Variants in ENPP6 observed in about 807,000 individuals in gnomAD.
The protein encoded by ENPP6 is glycerophosphocholine cholinephosphodiesterase ENPP6.
ENPP6 carries 32 observed loss-of-function variants against 42.0 expected under a neutral mutation model. The observed-to-expected ratio is 0.76, with a 90% confidence interval of 0.58 to 1.02. The LOEUF (loss-of-function observed/expected upper bound fraction) is 1.02. ENPP6 is among the 50% of genes least tolerant of loss of function. The probability of loss-of-function intolerance (pLI) is 0.00; values close to 1 mark genes in which losing one functional copy is unlikely to be tolerated. For synonymous variants in ENPP6, 213 were observed against 216.0 expected, an observed-to-expected ratio of 0.99 and a Z score of 0.12; for missense variants, 552 against 566.8, an observed-to-expected ratio of 0.97 and a Z score of 0.27.
rs1491154845 is a variant in ENPP6 at position 184,131,140 on chromosome 4, A to ACTTACTTTCTTTCTTTCTTT, written c.422-6869_422-6868insAAAGAAAGAAAGAAAGTAAG. ...TTTCAACTTGCTTCCACCAGCACTT[A>ACTTACTTTCTTTCTTTCTTT]CTTTCTTTCTTTCTTTCTTTCTTTC... On this transcript the variant is annotated intron_variant, in intron 2 of 7. Transcript: ENST00000296741. Among the ~76,000 whole-genome samples the ACTTACTTTCTTTCTTTCTTT allele has an allele frequency of 1.5e-4, 18 of 121,708 alleles. No homozygotes were observed. In the East Asian group the frequency reaches 1.9e-3, roughly 13 times the overall value. The allele number at this position is 121,708 out of a possible 152,430, so 79.8% of individuals were successfully genotyped here.
At chr4:184,147,205 C>T (rs1179474020) in intron 2 of ENPP6, among the ~76,000 whole-genome samples, 1 of 152,300 alleles carries the variant, frequency 6.6e-6, no homozygotes, top group Middle Eastern at 3.4e-3. Flanking sequence ...ATCCCTTACT[C>T]CCAAATCCAA....
At chr4:184,157,419 T>TTCTCTCTTTGTC (rs149313850) in intron 1 of ENPP6, among the ~76,000 whole-genome samples, 1 of 150,658 alleles carries the variant, frequency 6.6e-6, no homozygotes, top group East Asian at 2.0e-4. Flanking sequence ...CTTTCTTTCT[T>TTCTCTCTTTGTC]TCTTTCTTTC....
rs202246462 is a variant in ENPP6, at chr4:184,188,241, T to C, written c.241+29338A>G. On this transcript the variant is annotated intron_variant, in intron 1 of 7. Transcript: ENST00000296741. ...TTCTAGAAGTCCTGTCAGTTTCCGT[T>C]GTGCCTGAAGCCTTTCCCAGTCGTT... is the stretch of plus-strand genomic sequence containing the variant. Among the ~76,000 whole-genome samples the C allele has an allele frequency of 4.6e-5, 7 of 152,214 alleles. No individual in the cohort carries two copies. The East Asian group carries it at 1.3e-3, about 29-fold the overall frequency.
chr4:184,101,685 C>CA (rs1007156276), intron 6 of ENPP6, among the ~76,000 whole-genome samples: 23 of 152,172 alleles, frequency 1.5e-4, no homozygotes, highest in African/African-American at 5.1e-4. Context: ...CAGTCCCAGG[C>CA]AAACCAGGAC....
At chr4:184,174,140 T>C (rs74709330) in intron 1 of ENPP6, among the ~76,000 whole-genome samples, 4,075 of 151,078 alleles carry the variant, frequency 0.027, 82 homozygotes, top group Non-Finnish European at 0.043. Context: ...AAATCCTTTT[T>C]TTTTTTTTTT....
chr4:184,095,077 G>C (rs1303240536), intron 7 of ENPP6, among the ~76,000 whole-genome samples: 2 of 152,240 alleles, frequency 1.3e-5, no homozygotes, highest in Non-Finnish European at 2.9e-5. Flanking sequence ...AGTGTGTAAA[G>C]CTGTTTAATC....
At chr4:184,176,802 C>T (rs961702418) in intron 1 of ENPP6, among the ~76,000 whole-genome samples, 3 of 152,214 alleles carry the variant, frequency 2.0e-5, no homozygotes, top group African/African-American at 7.2e-5. Flanking sequence ...CATCTTGCAG[C>T]CCAGGCCCTG....
At chr4:184,097,499 A>C in intron 6 of ENPP6, 131 bp from the exon 7 acceptor site, 1 of 1,325,170 alleles carries the variant, frequency 7.5e-7, no homozygotes, top group Non-Finnish European at 1.0e-6. Flanking sequence ...GACTGACCCA[A>C]CCTCCGCTGC....
Position 184,112,688 on chromosome 4 carries a change from C to A in ENPP6, c.977G>T (p.Gly326Val), listed in dbSNP as rs373763438. 6.2e-7 allele frequency: 1 copy of A among 1,613,936 alleles called. No homozygotes were observed. The highest frequency in any genetic ancestry group is 8.5e-7 in the Non-Finnish European group (1 of 1,179,964). The change falls in exon 6 of 8, where the codon GGC (glycine) becomes GTC (valine). Residue 326 changes from glycine (G) to valine (V), a missense_variant. By Grantham distance (109) the Gly-to-Val change is moderately radical. This residue lies in a region of ENPP6 where 545 missense variants were observed against 546.3 expected (regional missense o/e 1.00). Coordinates refer to ENST00000296741, the MANE Select transcript of ENPP6 (RefSeq NM_153343.4). ...CATAATTACCTCAGTTATGAACCAGCCTTCATCAGCCACTAAAGTCAAAGG... is the reference window on the plus strand; with the variant it reads ...CATAATTACCTCAGTTATGAACCAGACTTCATCAGCCACTAAAGTCAAAGG... ...VSPLTLVADEGWFITENREML... is the reference protein window; with the variant it reads ...VSPLTLVADEVWFITENREML...
chr4:184,183,632 A>G (rs1316702667), intron 1 of ENPP6, among the ~76,000 whole-genome samples: 6 of 152,194 alleles, frequency 3.9e-5, no homozygotes, highest in Admixed American at 1.3e-4. Flanking sequence ...TCTTTTCAGG[A>G]CAGTTTCAAT....
intron 1 of ENPP6, 66 bp from the exon 2 acceptor site, chr4:184,153,799 T>C: frequency 6.5e-7 from 1 of 1,546,660 alleles, no homozygotes; most frequent in Non-Finnish European, 8.7e-7. Flanking sequence ...TCTTTGTTTC[T>C]TGATCATATA....
chr4:184,169,747 G>A lies in ENPP6; in HGVS notation c.242-16014C>T, dbSNP rs117412753. Among the ~76,000 whole-genome samples, 132 of 152,306 alleles carry A rather than the reference G, an allele frequency of 8.7e-4. 1 individual carries two copies. The East Asian group carries it at 0.01, about 12-fold the overall frequency. On this transcript the variant is annotated intron_variant, in intron 1 of 7. Transcript: ENST00000296741. ...GCCCCTTTCTCCAAGGCCAATCACC[G>A]GTGGCAAATCTCACAAGCGACTTTG...
intron 1 of ENPP6, among the ~76,000 whole-genome samples, chr4:184,186,320 A>G (rs951504080): frequency 5.3e-5 from 8 of 152,246 alleles, no homozygotes; most frequent in Non-Finnish European, 1.2e-4. Flanking sequence ...GACCCAAGAG[A>G]CCACAGATTG....
intron 1 of ENPP6, among the ~76,000 whole-genome samples, chr4:184,173,283 T>A (rs1737504794): frequency 6.6e-6 from 1 of 152,064 alleles, no homozygotes; most frequent in Admixed American, 6.5e-5. Flanking sequence ...AAGAAAGAAA[T>A]CAAAGGTGGG....
At chr4:184,152,175 C>T (rs564503625) in intron 2 of ENPP6, among the ~76,000 whole-genome samples, 15 of 152,308 alleles carry the variant, frequency 9.8e-5, no homozygotes, top group East Asian at 9.7e-4. Flanking sequence ...TTGTACGGTG[C>T]GCGCCACGCC....
At chr4:184,147,862 C>T (rs1736955592) in intron 2 of ENPP6, among the ~76,000 whole-genome samples, 1 of 151,998 alleles carries the variant, frequency 6.6e-6, no homozygotes, top group African/African-American at 2.4e-5. Flanking sequence ...AGCCTCTCTC[C>T]ACCTTATCCA....
chr4:184,169,992 AG>A (rs540163157), intron 1 of ENPP6, among the ~76,000 whole-genome samples: 51 of 152,362 alleles, frequency 3.3e-4, no homozygotes, highest in African/African-American at 1.2e-3. Context: ...GCCTGTCTCT[AG>A]TACTGAGGTA....
intron 1 of ENPP6, among the ~76,000 whole-genome samples, chr4:184,207,549 TTG>T (rs762423230): frequency 1.2e-4 from 19 of 152,304 alleles, no homozygotes; most frequent in Admixed American, 2.6e-4. Flanking sequence ...TAAACTGTGG[TTG>T]TGTTTTCACT....
chr4:184,145,615 C>T (rs1736905836), intron 2 of ENPP6, among the ~76,000 whole-genome samples: 1 of 152,228 alleles, frequency 6.6e-6, no homozygotes, highest in East Asian at 1.9e-4. Context: ...CCCATGTACA[C>T]AGGCCACACA....
Sources: gnomAD v4.1 joint callset for allele counts (sites outside exome capture counted in the v4.1 genomes callset) on GRCh38, gnomAD v4.1.1 for gene constraint, gnomAD v4.1.1 regional missense constraint, MANE v1.5 for transcripts, NCBI Gene and HGNC (gene_info 2026-07-23, HGNC 2026-07-21) for gene names.